Variants in ANKS1B observed in about 807,000 individuals in gnomAD.
The protein encoded by ANKS1B is ankyrin repeat and sterile alpha motif domain-containing protein 1B.
ANKS1B carries 36 observed loss-of-function variants against 148.3 expected under a neutral mutation model. The ratio of observed to expected loss-of-function variants is 0.24; its 90% CI spans 0.19 to 0.32. The LOEUF (loss-of-function observed/expected upper bound fraction) is 0.32. ANKS1B is among the 10% of genes least tolerant of loss of function. The pLI is 1.00. For missense variants in ANKS1B, 1,157 were observed against 1,542.6 expected (o/e 0.75, Z 4.19); for synonymous variants, 542 against 560.8 (o/e 0.97, Z 0.47).
chr12:98,805,131 C>CTT (rs2099040125), intron 20 of ANKS1B, among the ~76,000 whole-genome samples: 1 of 152,104 alleles, frequency 6.6e-6, no homozygotes, highest in African/African-American at 2.4e-5. Flanking sequence ...CAAAATGATT[C>CTT]AAGGTACTCC....
intron 1 of ANKS1B, among the ~76,000 whole-genome samples, chr12:99,903,549 T>C (rs149238394): frequency 2.1e-3 from 313 of 152,336 alleles, no homozygotes; most frequent in African/African-American, 7.3e-3. Context: ...CTAGTAATTC[T>C]AGGGTAGTGC....
chr12:99,649,397 G>T (rs1159180551), intron 9 of ANKS1B: 5 of 1,609,318 alleles, frequency 3.1e-6, no homozygotes, highest in Non-Finnish European at 8.5e-7. Flanking sequence ...ATAGAGATAT[G>T]AATCCAACAT....
intron 8 of ANKS1B, among the ~76,000 whole-genome samples, chr12:99,746,429 T>C (rs2060599386): frequency 6.6e-6 from 1 of 152,194 alleles, no homozygotes; most frequent in South Asian, 2.1e-4. Flanking sequence ...TCAACTCTTT[T>C]GCAGTTTTCA....
intron 9 of ANKS1B, among the ~76,000 whole-genome samples, chr12:99,635,770 AT>A (rs961980725): frequency 3.9e-5 from 6 of 152,002 alleles, no homozygotes; most frequent in African/African-American, 1.2e-4. Flanking sequence ...TATCTTCACA[AT>A]TTTTTTTAAA....
intron 12 of ANKS1B, among the ~76,000 whole-genome samples, chr12:99,312,792 T>C (rs1357675922): frequency 3.9e-5 from 6 of 152,198 alleles, no homozygotes; most frequent in African/African-American, 1.4e-4. Flanking sequence ...GGGAAATTTA[T>C]AGCATTAAAT....
chr12:99,339,859 G>A (rs1048044527), intron 12 of ANKS1B, among the ~76,000 whole-genome samples: 1 of 152,060 alleles, frequency 6.6e-6, no homozygotes, highest in Non-Finnish European at 1.5e-5. Context: ...AACAGAAACT[G>A]AGACTCTGCG....
At chr12:99,263,713 T>C (rs1368235355) in intron 12 of ANKS1B, among the ~76,000 whole-genome samples, 1 of 152,128 alleles carries the variant, frequency 6.6e-6, no homozygotes, top group Non-Finnish European at 1.5e-5. Context: ...ATGACGGTTT[T>C]ATAAGTGCTT....
At chr12:99,910,780 CAT>C (rs1208959943) in intron 1 of ANKS1B, among the ~76,000 whole-genome samples, 1 of 148,268 alleles carries the variant, frequency 6.7e-6, no homozygotes, top group African/African-American at 2.5e-5. Flanking sequence ...ATAATATATG[CAT>C]ATATATACAT....
chr12:99,512,551 G>T (rs1168672801), intron 9 of ANKS1B, among the ~76,000 whole-genome samples: 1 of 152,068 alleles, frequency 6.6e-6, no homozygotes, highest in African/African-American at 2.4e-5. Context: ...CCATTATTGG[G>T]TATATACCCA....
intron 15 of ANKS1B, among the ~76,000 whole-genome samples, chr12:99,089,947 A>G (rs143312882): frequency 2.3e-4 from 35 of 152,358 alleles, no homozygotes; most frequent in Non-Finnish European, 3.4e-4. Context: ...CAGTATTTTT[A>G]GAATAGCTGT....
At chr12:99,762,270 T>C (rs2062198288) in intron 8 of ANKS1B, among the ~76,000 whole-genome samples, 3 of 152,084 alleles carry the variant, frequency 2.0e-5, no homozygotes, top group African/African-American at 7.2e-5. Flanking sequence ...GCCAGAGGCA[T>C]CACATTTCCC....
At chr12:99,562,992 T>A (rs2097352714) in intron 9 of ANKS1B, among the ~76,000 whole-genome samples, 1 of 152,194 alleles carries the variant, frequency 6.6e-6, no homozygotes, top group Admixed American at 6.5e-5. Flanking sequence ...TTTAACCTCA[T>A]GAACCAACCT....
intron 17 of ANKS1B, among the ~76,000 whole-genome samples, chr12:99,010,928 A>G (rs940344093): frequency 1.4e-5 from 2 of 146,400 alleles, no homozygotes; most frequent in Middle Eastern, 3.2e-3. Flanking sequence ...TTTTTAATAG[A>G]AACAGGGTTT....
intron 8 of ANKS1B, among the ~76,000 whole-genome samples, chr12:99,714,818 A>AT (rs1450585715): frequency 6.6e-6 from 1 of 152,002 alleles, no homozygotes; most frequent in Non-Finnish European, 1.5e-5. Context: ...CATACATCTC[A>AT]TTTTAAATCA....
intron 22 of ANKS1B, among the ~76,000 whole-genome samples, chr12:98,785,465 G>A (rs909865548): frequency 3.3e-5 from 5 of 151,692 alleles, no homozygotes; most frequent in Non-Finnish European, 7.4e-5. Flanking sequence ...GTGAGACTCC[G>A]TCTCAAAAAA....
chr12:99,592,347 T>C (rs1020911543), intron 9 of ANKS1B, among the ~76,000 whole-genome samples: 1 of 152,074 alleles, frequency 6.6e-6, no homozygotes. Context: ...TGAATAGTCC[T>C]ATCATGGCAA....
At chr12:99,150,716 A>G (rs2074610335) in intron 15 of ANKS1B, among the ~76,000 whole-genome samples, 1 of 151,888 alleles carries the variant, frequency 6.6e-6, no homozygotes, top group African/African-American at 2.4e-5. Flanking sequence ...TCATACCTAA[A>G]CTCCTTGGTG....
chr12:99,127,076 T>A (rs894923175), intron 15 of ANKS1B, among the ~76,000 whole-genome samples: 1 of 152,188 alleles, frequency 6.6e-6, no homozygotes, highest in Non-Finnish European at 1.5e-5. Flanking sequence ...GAAGTAGAAT[T>A]GCAACTTTCT....
chr12:99,387,356 G>A (rs2093905478), intron 12 of ANKS1B, among the ~76,000 whole-genome samples: 1 of 152,142 alleles, frequency 6.6e-6, no homozygotes, highest in South Asian at 2.1e-4. Flanking sequence ...GGTGGCTCAC[G>A]CCTGTAATCC....
Sources: gnomAD v4.1 joint callset for allele counts (sites outside exome capture counted in the v4.1 genomes callset) on GRCh38, gnomAD v4.1.1 for gene constraint, MANE v1.5 for transcripts, NCBI Gene and HGNC (gene_info 2026-07-23, HGNC 2026-07-21) for gene names.